Variants in GSTCD observed in about 807,000 individuals in gnomAD.
GSTCD encodes the protein glutathione S-transferase C-terminal domain-containing protein.
A neutral mutation model predicts 68.3 loss-of-function variants in GSTCD; 44 were observed. That is an observed-to-expected ratio of 0.64 (90% confidence interval 0.51 to 0.83). The LOEUF is 0.83. Among genes scored for constraint, GSTCD ranks in the 40% least tolerant of loss-of-function variants. The pLI is 0.00. For synonymous variants in GSTCD, 273 were observed against 255.2 expected, an observed-to-expected ratio of 1.07 and a Z score of -0.67; for missense variants, 739 against 735.9, an observed-to-expected ratio of 1.00 and a Z score of -0.05.
intron 5 of GSTCD, among the ~76,000 whole-genome samples, chr4:105,756,564 A>ATG (rs771618887): frequency 2.4e-3 from 241 of 102,372 alleles, no homozygotes; most frequent in Middle Eastern, 4.3e-3. Context: ...ATGTATATAT[A>ATG]TGTGTGTGTG....
Position 105,837,876 on chromosome 4 carries a change from CT to C in GSTCD, c.1685del (p.Leu562TyrfsTer7). 9.1e-7 allele frequency: 1 copy of C among 1,096,348 alleles called. No homozygotes were observed. 67.9% of individuals were successfully genotyped at this position (1,096,348 alleles called of 1,614,324 possible). Reference sequence around the variant, plus strand: ...TATTTCAGTGAACAATTCAAGAAAACTTTATCATACAAGGTAACCTTAAAAA... The same window carrying C: ...TATTTCAGTGAACAATTCAAGAAAACTTATCATACAAGGTAACCTTAAAAA... ...NFPKSEQFKK[T>X]LSYKEHMILC... On this transcript the variant is annotated frameshift_variant, in exon 10 of 12. Coordinates refer to ENST00000515279, the MANE Select transcript of GSTCD (RefSeq NM_001370181.1). LOFTEE classifies it high-confidence loss of function.
intron 5 of GSTCD, among the ~76,000 whole-genome samples, chr4:105,808,478 C>G (rs2149265478): frequency 6.6e-6 from 1 of 152,202 alleles, no homozygotes; most frequent in East Asian, 1.9e-4. Flanking sequence ...TCATGTCTAG[C>G]CTTGACTATT....
intron 5 of GSTCD, among the ~76,000 whole-genome samples, chr4:105,754,792 C>T (rs1364856009): frequency 6.6e-6 from 1 of 151,948 alleles, no homozygotes; most frequent in Non-Finnish European, 1.5e-5. Context: ...ACGGCCTACC[C>T]CTTTTTAACA....
chr4:105,837,103 A>T (rs1724151075), intron 9 of GSTCD, among the ~76,000 whole-genome samples: 1 of 152,188 alleles, frequency 6.6e-6, no homozygotes, highest in African/African-American at 2.4e-5. Flanking sequence ...ATGCCTTTTT[A>T]AATTTTCTGA....
At chr4:105,776,626 C>CA (rs1560823857) in intron 5 of GSTCD, among the ~76,000 whole-genome samples, 1 of 152,246 alleles carries the variant, frequency 6.6e-6, no homozygotes, top group East Asian at 1.9e-4. Flanking sequence ...ATCGGTGAGG[C>CA]AATGCCCCAC....
chr4:105,728,197 A>G (rs1733104566), intron 4 of GSTCD, among the ~76,000 whole-genome samples: 1 of 152,188 alleles, frequency 6.6e-6, no homozygotes, highest in Non-Finnish European at 1.5e-5. Context: ...AATGATGAAA[A>G]TATCTTAAAA....
chr4:105,766,080 A>C (rs1734594478), intron 5 of GSTCD, among the ~76,000 whole-genome samples: 1 of 152,238 alleles, frequency 6.6e-6, no homozygotes, highest in Non-Finnish European at 1.5e-5. Flanking sequence ...ACCATTCTAA[A>C]TACTTCAAAC....
intron 5 of GSTCD, among the ~76,000 whole-genome samples, chr4:105,749,525 A>G (rs920814331): frequency 2.0e-5 from 3 of 152,002 alleles, no homozygotes; most frequent in Admixed American, 1.3e-4. Flanking sequence ...CAGAATAGAG[A>G]AGCATAAAAT....
chr4:105,790,926 A>G (rs1735639792), intron 5 of GSTCD, among the ~76,000 whole-genome samples: 1 of 152,050 alleles, frequency 6.6e-6, no homozygotes, highest in Non-Finnish European at 1.5e-5. Context: ...ACTGTACTAA[A>G]GCATGGACAG....
chr4:105,765,924 G>A (rs572009185), intron 5 of GSTCD, among the ~76,000 whole-genome samples: 3 of 152,218 alleles, frequency 2.0e-5, no homozygotes, highest in Non-Finnish European at 2.9e-5. Context: ...CCAGCCATGC[G>A]GAACTGTGAG....
At chr4:105,838,302 G>A (rs1724203398) in intron 10 of GSTCD, among the ~76,000 whole-genome samples, 1 of 152,192 alleles carries the variant, frequency 6.6e-6, no homozygotes, top group Admixed American at 6.5e-5. Flanking sequence ...TTGTTCCAGA[G>A]GGAGAAACTA....
At chr4:105,801,327 A>C (rs1204841923) in intron 5 of GSTCD, among the ~76,000 whole-genome samples, 1 of 152,166 alleles carries the variant, frequency 6.6e-6, no homozygotes. Flanking sequence ...TTACAAATAA[A>C]TTCTAGCAAG....
chr4:105,764,761 T>G (rs147626916), intron 5 of GSTCD, among the ~76,000 whole-genome samples: 79 of 152,348 alleles, frequency 5.2e-4, no homozygotes, highest in Non-Finnish European at 8.8e-4. Context: ...ACATAATTTT[T>G]GGGGGACACA....
At chr4:105,812,078 G>T (rs2149267402) in intron 5 of GSTCD, among the ~76,000 whole-genome samples, 3 of 152,282 alleles carry the variant, frequency 2.0e-5, no homozygotes, top group Non-Finnish European at 4.4e-5. Context: ...ATAGTTTTGG[G>T]TATCAGTATG....
intron 5 of GSTCD, among the ~76,000 whole-genome samples, chr4:105,730,843 C>T (rs569718722): frequency 6.0e-4 from 91 of 152,244 alleles, no homozygotes; most frequent in African/African-American, 2.1e-3. Context: ...ATGGTATTGC[C>T]TAGGTTTTCT....
At chr4:105,766,244 A>G (rs917862367) in intron 5 of GSTCD, among the ~76,000 whole-genome samples, 5 of 152,216 alleles carry the variant, frequency 3.3e-5, no homozygotes, top group Non-Finnish European at 5.9e-5. Context: ...GTCATGTGGC[A>G]AAAGCTGGAA....
intron 5 of GSTCD, among the ~76,000 whole-genome samples, chr4:105,743,796 C>A (rs1404268752): frequency 6.6e-6 from 1 of 151,304 alleles, no homozygotes; most frequent in Non-Finnish European, 1.5e-5. Flanking sequence ...GTAGCTGGGA[C>A]TACAGGCGCC....
chr4:105,744,426 T>C (rs1733735548), intron 5 of GSTCD, among the ~76,000 whole-genome samples: 1 of 152,238 alleles, frequency 6.6e-6, no homozygotes. Flanking sequence ...CTATGATAGT[T>C]ACAAAATGGT....
At chr4:105,743,864 G>A (rs919398555) in intron 5 of GSTCD, among the ~76,000 whole-genome samples, 1 of 151,878 alleles carries the variant, frequency 6.6e-6, no homozygotes. Context: ...GTTTCACCGT[G>A]CTAGCCAGGA....
Sources: allele counts gnomAD v4.1 joint callset (sites outside exome capture counted in the v4.1 genomes callset), GRCh38; gene constraint gnomAD v4.1.1; transcripts MANE v1.5; gene names NCBI Gene and HGNC (gene_info 2026-07-23, HGNC 2026-07-21).